THSD7B: variants seen among roughly 807,000 people sequenced by gnomAD.
THSD7B encodes thrombospondin type 1 domain containing 7B.
In THSD7B, 138 loss-of-function variants were observed where a neutral mutation model predicts 213.6. The ratio of observed to expected loss-of-function variants is 0.65; its 90% CI spans 0.56 to 0.74. The LOEUF is 0.74. THSD7B is among the 30% of genes least tolerant of loss of function. THSD7B has a pLI of 0.00. For missense variants in THSD7B, 1,931 were observed against 1,991.5 expected (o/e 0.97, Z 0.58); for synonymous variants, 742 against 687.0 (o/e 1.08, Z -1.25).
At chr2:137,675,253 TG>T (rs1245712138) in intron 27 of THSD7B, among the ~76,000 whole-genome samples, 1 of 151,926 alleles carries the variant, frequency 6.6e-6, no homozygotes, top group Non-Finnish European at 1.5e-5. Context: ...AGCTAGATAA[TG>T]GTGATGGTAC....
chr2:136,953,532 GATTT>G (rs930939360), intron 2 of THSD7B, among the ~76,000 whole-genome samples: 9 of 149,652 alleles, frequency 6.0e-5, no homozygotes, highest in Non-Finnish European at 1.2e-4. Context: ...ATTATTTCTA[GATTT>G]ATTTCCGATT....
intron 15 of THSD7B, among the ~76,000 whole-genome samples, chr2:137,512,681 A>G (rs571018112): frequency 6.6e-6 from 1 of 152,190 alleles, no homozygotes; most frequent in Non-Finnish European, 1.5e-5. Context: ...AGCGTAAGCC[A>G]CCACGCTTGG....
At chr2:137,088,891 C>A (rs991690148) in intron 3 of THSD7B, among the ~76,000 whole-genome samples, 3 of 152,110 alleles carry the variant, frequency 2.0e-5, no homozygotes, top group South Asian at 2.1e-4. Flanking sequence ...CACTAATGAT[C>A]AGCATTATGC....
At chr2:137,241,709 G>A (rs1473873235) in intron 9 of THSD7B, among the ~76,000 whole-genome samples, 2 of 151,992 alleles carry the variant, frequency 1.3e-5, no homozygotes, top group Non-Finnish European at 2.9e-5. Context: ...TCGAGAGATC[G>A]AGATCATCCT....
At position 137,052,902 on chromosome 2, in the gene THSD7B, A is replaced by G. The variant is rs75580035; in HGVS notation, c.140-3518A>G. On this transcript the variant is annotated intron_variant, in intron 2 of 27. Transcript: ENST00000409968. ...TCTTCATCTCATATGTCTTGTTTGT[A>G]ATTTGTTTTTCATTTATTCCATGTG... Among the ~76,000 whole-genome samples the G allele has an allele frequency of 3.4e-3, 525 of 152,188 alleles. 8 individuals are homozygous for G. The East Asian group carries it at 0.043, about 12-fold the overall frequency.
intron 17 of THSD7B, among the ~76,000 whole-genome samples, chr2:137,586,973 C>T (rs183971311): frequency 6.6e-6 from 1 of 152,222 alleles, no homozygotes; most frequent in African/African-American, 2.4e-5. Flanking sequence ...TCAGGTACAC[C>T]AATCAGACAT....
intron 5 of THSD7B, among the ~76,000 whole-genome samples, chr2:137,131,841 T>C (rs1688738362): frequency 6.6e-6 from 1 of 152,216 alleles, no homozygotes; most frequent in Admixed American, 6.5e-5. Context: ...TCTTTTGACT[T>C]AGGATTGACT....
chr2:137,513,680 A>AAAT (rs1165171047), intron 15 of THSD7B, among the ~76,000 whole-genome samples: 1 of 152,230 alleles, frequency 6.6e-6, no homozygotes, highest in Non-Finnish European at 1.5e-5. Flanking sequence ...TGTCTTATTT[A>AAAT]GAGTATCTTA....
At chr2:137,337,915 T>C (rs1043931817) in intron 12 of THSD7B, among the ~76,000 whole-genome samples, 3 of 152,110 alleles carry the variant, frequency 2.0e-5, no homozygotes, top group Non-Finnish European at 4.4e-5. Context: ...TGGCTCCCAA[T>C]GTTAATTTTT....
At chr2:137,514,168 T>C (rs1680023420) in intron 15 of THSD7B, among the ~76,000 whole-genome samples, 1 of 152,148 alleles carries the variant, frequency 6.6e-6, no homozygotes, top group South Asian at 2.1e-4. Flanking sequence ...GAGTGTCAAC[T>C]TGATTGGATT....
At chr2:137,210,043 A>G (rs1573887628) in intron 7 of THSD7B, among the ~76,000 whole-genome samples, 1 of 151,102 alleles carries the variant, frequency 6.6e-6, no homozygotes, top group African/African-American at 2.4e-5. Context: ...TCTGCAAGCC[A>G]TAGAGAGAGA....
chr2:137,510,922 A>T (rs1162149362), intron 15 of THSD7B, among the ~76,000 whole-genome samples: 1 of 152,098 alleles, frequency 6.6e-6, no homozygotes, highest in Non-Finnish European at 1.5e-5. Context: ...TTTGGAAGGG[A>T]GGTATACTAA....
At chr2:136,960,961 C>T (rs556080888) in intron 2 of THSD7B, among the ~76,000 whole-genome samples, 4 of 151,082 alleles carry the variant, frequency 2.6e-5, no homozygotes, top group Admixed American at 6.6e-5. Flanking sequence ...AGGTGGCGGG[C>T]GCCTGTGGTC....
At chr2:137,581,326 G>T (rs892883522) in intron 17 of THSD7B, among the ~76,000 whole-genome samples, 3 of 152,104 alleles carry the variant, frequency 2.0e-5, no homozygotes, top group Non-Finnish European at 2.9e-5. Flanking sequence ...AGTGGTTCAC[G>T]CCTGTAATCC....
At chr2:137,080,553 T>C (rs1391871000) in intron 3 of THSD7B, among the ~76,000 whole-genome samples, 1 of 152,002 alleles carries the variant, frequency 6.6e-6, no homozygotes, top group Non-Finnish European at 1.5e-5. Context: ...ATTTTTATTT[T>C]AGAAGTTACC....
intron 6 of THSD7B, among the ~76,000 whole-genome samples, chr2:137,168,959 T>C (rs961020053): frequency 2.0e-5 from 3 of 152,058 alleles, no homozygotes; most frequent in African/African-American, 7.2e-5. Context: ...GTAGATTTTA[T>C]TTGGCTAGTT....
chr2:137,253,366 T>G (rs1005661990), intron 10 of THSD7B, among the ~76,000 whole-genome samples: 1 of 152,176 alleles, frequency 6.6e-6, no homozygotes, highest in Non-Finnish European at 1.5e-5. Flanking sequence ...TATGCTGTCT[T>G]AGTTTATATC....
chr2:137,102,838 A>T (rs1002269331), intron 4 of THSD7B, among the ~76,000 whole-genome samples: 3 of 152,224 alleles, frequency 2.0e-5, no homozygotes, highest in Non-Finnish European at 2.9e-5. Flanking sequence ...AGATTAGAGA[A>T]AAAGCATGAA....
intron 2 of THSD7B, among the ~76,000 whole-genome samples, chr2:136,923,434 A>T (rs1684469819): frequency 6.6e-6 from 1 of 152,140 alleles, no homozygotes; most frequent in Non-Finnish European, 1.5e-5. Flanking sequence ...CCTTTTCAAG[A>T]TCCTTTTTCT....
Sources: allele counts gnomAD v4.1 joint callset (sites outside exome capture counted in the v4.1 genomes callset), GRCh38; gene constraint gnomAD v4.1.1; transcripts MANE v1.5; gene names NCBI Gene and HGNC (gene_info 2026-07-23, HGNC 2026-07-21).